TRHDE: variants seen among roughly 807,000 people sequenced by gnomAD.
TRHDE encodes thyrotropin-releasing hormone-degrading ectoenzyme.
Under a neutral mutation model 125.7 loss-of-function variants are expected in TRHDE, and 72 were observed. The ratio of observed to expected loss-of-function variants is 0.57; its 90% CI spans 0.47 to 0.70. The LOEUF (loss-of-function observed/expected upper bound fraction) is 0.70, where lower values mean the gene tolerates loss of function less well. Ranked by LOEUF, TRHDE falls within the 30% of genes least tolerant of loss-of-function variation. The pLI is 0.00. For missense variants in TRHDE, 1,110 were observed against 1,327.1 expected (o/e 0.84, Z 2.54); for synonymous variants, 509 against 509.1 (o/e 1.00, Z 0.00).
At chr12:72,490,768 A>G (rs982556050) in intron 5 of TRHDE, among the ~76,000 whole-genome samples, 1 of 151,484 alleles carries the variant, frequency 6.6e-6, no homozygotes, top group Non-Finnish European at 1.5e-5. Flanking sequence ...AAAAAAAAAA[A>G]AAAACAACCC....
intron 6 of TRHDE, among the ~76,000 whole-genome samples, chr12:72,508,836 T>A (rs1410752008): frequency 6.6e-6 from 1 of 152,134 alleles, no homozygotes; most frequent in Non-Finnish European, 1.5e-5. Flanking sequence ...GTTCTCATGA[T>A]AGTGAATGAG....
At chr12:72,596,288 A>G (rs189746024) in intron 12 of TRHDE, among the ~76,000 whole-genome samples, 1 of 152,296 alleles carries the variant, frequency 6.6e-6, no homozygotes, top group East Asian at 1.9e-4. Context: ...AGAGCAAAGA[A>G]CCTATTAAAA....
At chr12:72,487,667 G>T (rs909457112) in intron 5 of TRHDE, among the ~76,000 whole-genome samples, 6 of 152,086 alleles carry the variant, frequency 3.9e-5, no homozygotes, top group Non-Finnish European at 8.8e-5. Flanking sequence ...ATTAAAGAAT[G>T]TTAATTACTA....
chr12:72,135,262 T>C (rs772334440), intron 2 of TRHDE, among the ~76,000 whole-genome samples: 61 of 152,214 alleles, frequency 4.0e-4, no homozygotes, highest in Non-Finnish European at 7.5e-4. Context: ...CTGTTTATTA[T>C]TAATTTGTCA....
At chr12:72,140,511 A>G (rs1876088299) in intron 2 of TRHDE, 1 of 152,176 alleles carries the variant, frequency 6.6e-6, no homozygotes, top group African/African-American at 2.4e-5. Context: ...CCTTGGACAC[A>G]TGTTCTCAGG....
intron 5 of TRHDE, among the ~76,000 whole-genome samples, chr12:72,486,729 T>A (rs1877426422): frequency 6.6e-6 from 1 of 152,160 alleles, no homozygotes; most frequent in Admixed American, 6.6e-5. Context: ...CAAACATACA[T>A]GCAGGGACAC....
chr12:72,487,757 G>A lies in TRHDE; in HGVS notation c.1585-11741G>A, dbSNP rs11179224. On this transcript the variant is annotated intron_variant, in intron 5 of 18. Transcript: ENST00000261180. ...ATCCAGAATACTTCAACATAGTGAC[G>A]GTGATATATAAATCCAGTATATCTT... Among the ~76,000 whole-genome samples, 176 of 152,082 alleles carry A rather than the reference G, an allele frequency of 1.2e-3. 4 individuals are homozygous for A. The East Asian group carries it at 0.032, about 28-fold the overall frequency.
At chr12:72,165,444 A>G (rs1303452447) in intron 2 of TRHDE, among the ~76,000 whole-genome samples, 1 of 152,070 alleles carries the variant, frequency 6.6e-6, no homozygotes, top group Non-Finnish European at 1.5e-5. Context: ...TGGGGACCAA[A>G]CTGCCACTAC....
chr12:72,661,916 T>G (rs1874933597), intron 18 of TRHDE, among the ~76,000 whole-genome samples: 1 of 152,208 alleles, frequency 6.6e-6, no homozygotes, highest in African/African-American at 2.4e-5. Context: ...TTGCTAATGC[T>G]GCTGGGCAAA....
chr12:72,411,982 G>A (rs751065811), intron 3 of TRHDE, among the ~76,000 whole-genome samples: 5 of 152,128 alleles, frequency 3.3e-5, no homozygotes, highest in Non-Finnish European at 7.4e-5. Context: ...TGACCTTCAT[G>A]CAGATTAAAG....
chr12:72,575,711 A>G (rs1047201506), intron 12 of TRHDE, among the ~76,000 whole-genome samples, 169 bp downstream of exon 12: 7 of 152,118 alleles, frequency 4.6e-5, no homozygotes, highest in African/African-American at 1.2e-4. Flanking sequence ...CAAACTTTCT[A>G]TCAATAATAG....
intron 2 of TRHDE, among the ~76,000 whole-genome samples, chr12:72,177,996 A>G (rs1349643729): frequency 2.0e-5 from 3 of 152,162 alleles, no homozygotes; most frequent in African/African-American, 7.2e-5. Context: ...TATGCATTTA[A>G]AAAGTGTTAA....
chr12:72,245,739 G>A (rs867949382), intron 2 of TRHDE, among the ~76,000 whole-genome samples: 11 of 151,854 alleles, frequency 7.2e-5, no homozygotes, highest in Middle Eastern at 6.8e-3. Context: ...GTGCATATAT[G>A]TATGTATGTA....
chr12:72,646,236 T>G (rs930586290), intron 15 of TRHDE, among the ~76,000 whole-genome samples: 9 of 152,064 alleles, frequency 5.9e-5, no homozygotes, highest in Admixed American at 3.3e-4. Flanking sequence ...GGAGTTAAAT[T>G]GTGGAGTTTT....
At chr12:72,364,890 A>T (rs1202494256) in intron 2 of TRHDE, among the ~76,000 whole-genome samples, 1 of 152,128 alleles carries the variant, frequency 6.6e-6, no homozygotes, top group African/African-American at 2.4e-5. Flanking sequence ...GGCGTAAAAT[A>T]GATAGCTTAA....
chr12:72,473,276 C>T (rs1246157021), intron 5 of TRHDE, 96 bp downstream of exon 5: 2 of 835,820 alleles, frequency 2.4e-6, no homozygotes, highest in Non-Finnish European at 3.8e-6. Context: ...AAAATACCAA[C>T]TGATGCATGA....
intron 5 of TRHDE, among the ~76,000 whole-genome samples, chr12:72,479,663 TA>T (rs1877070104): frequency 6.6e-6 from 1 of 151,642 alleles, no homozygotes; most frequent in African/African-American, 2.4e-5. Flanking sequence ...TTTTAATTTT[TA>T]TTTTATTATT....
intron 12 of TRHDE, among the ~76,000 whole-genome samples, chr12:72,611,843 T>C (rs1872643869): frequency 6.6e-6 from 1 of 152,190 alleles, no homozygotes; most frequent in Non-Finnish European, 1.5e-5. Context: ...ACAGGTGAAA[T>C]AAGGCATTTT....
chr12:72,649,079 C>G (rs943527064), intron 15 of TRHDE, among the ~76,000 whole-genome samples: 3 of 151,530 alleles, frequency 2.0e-5, no homozygotes, highest in Admixed American at 6.6e-5. Context: ...ACTTTAAATG[C>G]CAAACCTATT....
Sources: gnomAD v4.1 joint callset for allele counts (sites outside exome capture counted in the v4.1 genomes callset) on GRCh38, gnomAD v4.1.1 for gene constraint, MANE v1.5 for transcripts, NCBI Gene and HGNC (gene_info 2026-07-23, HGNC 2026-07-21) for gene names.